KCNQ5: variants seen among roughly 807,000 people sequenced by gnomAD.
KCNQ5 encodes the protein potassium voltage-gated channel subfamily KQT member 5.
In KCNQ5, 30 loss-of-function variants were observed where a neutral mutation model predicts 98.2. The ratio of observed to expected loss-of-function variants is 0.31; its 90% confidence interval spans 0.23 to 0.41. The LOEUF is 0.41. KCNQ5 is among the 10% of genes least tolerant of loss of function. The pLI is 1.00. For missense variants in KCNQ5, 835 were observed against 1,182.5 expected (o/e 0.71, Z 4.31); for synonymous variants, 458 against 449.4 (o/e 1.02, Z -0.24).
intron 1 of KCNQ5, among the ~76,000 whole-genome samples, chr6:72,840,084 C>T (rs1776724808): frequency 6.6e-6 from 1 of 152,160 alleles, no homozygotes; most frequent in East Asian, 1.9e-4. Context: ...ATCCAAATAA[C>T]AGAATTATCT....
At chr6:73,187,120 C>T (rs1013547052) in intron 11 of KCNQ5, among the ~76,000 whole-genome samples, 3 of 149,102 alleles carry the variant, frequency 2.0e-5, no homozygotes, top group African/African-American at 5.0e-5. Context: ...AGTGCAGTGG[C>T]GTGACCTTGG....
intron 1 of KCNQ5, among the ~76,000 whole-genome samples, chr6:72,682,155 G>A (rs1031432876): frequency 2.0e-5 from 3 of 152,102 alleles, no homozygotes; most frequent in Non-Finnish European, 4.4e-5. Flanking sequence ...ACAGGGATTG[G>A]ACAATTCCTC....
intron 1 of KCNQ5, among the ~76,000 whole-genome samples, chr6:72,904,801 T>G (rs1779637462): frequency 6.6e-6 from 1 of 152,202 alleles, no homozygotes; most frequent in African/African-American, 2.4e-5. Context: ...TTAAGATACT[T>G]TCCTTCATTT....
intron 2 of KCNQ5, among the ~76,000 whole-genome samples, chr6:73,032,086 A>G (rs1346538023): frequency 1.3e-5 from 2 of 152,166 alleles, no homozygotes; most frequent in African/African-American, 4.8e-5. Context: ...GACAAATATC[A>G]CCAATATGAG....
rs1773581577 is a variant in KCNQ5, at chr6:73,077,371, G to C, written c.666G>C (p.Gln222His). The stretch of plus-strand genomic sequence containing the variant: ...TAGCAGTTGTTTCTGCAAAAACTCA[G>C]GGTAATATTTTTGCCACGTCTGCAC... ...ASIAVVSAKT[Q>H]GNIFATSALR... Residue 222 changes from glutamine (Q) to histidine (H), a missense_variant, in exon 4 of 14, where the codon CAG (glutamine) becomes CAC (histidine). Physicochemically the swap from Gln to His is conservative, Grantham distance 24 (BLOSUM62 0). Around this residue, in one of 10 missense-constraint regions of KCNQ5, gnomAD observed 48 missense variants for 112.1 expected, o/e 0.43. Transcript: ENST00000370398. The C allele has an allele frequency of 6.2e-7, 1 of 1,613,988 alleles. No individual in the cohort carries two copies. The highest frequency in any genetic ancestry group is 1.3e-5 in the African/African-American group (1 of 74,906).
At chr6:73,182,230 C>A (rs1778426144) in intron 11 of KCNQ5, among the ~76,000 whole-genome samples, 1 of 152,148 alleles carries the variant, frequency 6.6e-6, no homozygotes, top group African/African-American at 2.4e-5. Flanking sequence ...AATGTAGTTA[C>A]ACTCATTCAT....
chr6:73,103,714 G>C (rs1162353155), intron 5 of KCNQ5, among the ~76,000 whole-genome samples: 1 of 151,362 alleles, frequency 6.6e-6, no homozygotes, highest in Non-Finnish European at 1.5e-5. Context: ...GGGTAGTGGA[G>C]AGAGTGAGCA....
chr6:73,011,391 C>G (rs1224597427), intron 2 of KCNQ5, among the ~76,000 whole-genome samples: 1 of 152,088 alleles, frequency 6.6e-6, no homozygotes, highest in African/African-American at 2.4e-5. Context: ...AAAGGGCAGT[C>G]TTTTCAACAA....
intron 1 of KCNQ5, among the ~76,000 whole-genome samples, chr6:72,888,332 A>G (rs1414728369): frequency 1.3e-5 from 2 of 152,202 alleles, no homozygotes; most frequent in Non-Finnish European, 1.5e-5. Flanking sequence ...TTACAAAAGC[A>G]GAGAACATAG....
intron 1 of KCNQ5, among the ~76,000 whole-genome samples, chr6:72,645,735 G>T (rs12193274): frequency 0.19 from 29,002 of 152,026 alleles, 3,001 homozygotes; most frequent in Middle Eastern, 0.27. Flanking sequence ...AGAGCATTCA[G>T]TTGTGGTTTG....
chr6:73,162,907 G>T (rs1457978242), intron 10 of KCNQ5, among the ~76,000 whole-genome samples: 1 of 152,122 alleles, frequency 6.6e-6, no homozygotes, highest in Non-Finnish European at 1.5e-5. Context: ...GTGTCTAAAT[G>T]ATCCTCATCT....
At chr6:72,828,567 T>C (rs1465666255) in intron 1 of KCNQ5, among the ~76,000 whole-genome samples, 1 of 152,182 alleles carries the variant, frequency 6.6e-6, no homozygotes, top group Non-Finnish European at 1.5e-5. Context: ...TGTATATTAA[T>C]TCTGTATCCT....
chr6:72,786,047 A>G (rs747850713), intron 1 of KCNQ5, among the ~76,000 whole-genome samples: 1 of 152,224 alleles, frequency 6.6e-6, no homozygotes, highest in Non-Finnish European at 1.5e-5. Context: ...AATTTTAATA[A>G]TAGATTTGAT....
At chr6:72,672,480 A>G (rs1376958391) in intron 1 of KCNQ5, among the ~76,000 whole-genome samples, 1 of 152,186 alleles carries the variant, frequency 6.6e-6, no homozygotes, top group African/African-American at 2.4e-5. Flanking sequence ...ACTAAGATCC[A>G]CTAAGATTAT....
At chr6:72,668,085 T>G (rs1766917927) in intron 1 of KCNQ5, among the ~76,000 whole-genome samples, 1 of 152,166 alleles carries the variant, frequency 6.6e-6, no homozygotes, top group African/African-American at 2.4e-5. Flanking sequence ...ATTCCTTGGT[T>G]TTGATAAATG....
chr6:72,667,049 TAAATG>T (rs1340593911), intron 1 of KCNQ5, among the ~76,000 whole-genome samples: 1 of 152,154 alleles, frequency 6.6e-6, no homozygotes, highest in Non-Finnish European at 1.5e-5. Flanking sequence ...CATTAGGAAA[TAAATG>T]AAATATTTTT....
At chr6:73,111,884 CAGTT>C (rs1157343341) in intron 7 of KCNQ5, among the ~76,000 whole-genome samples, 1 of 152,146 alleles carries the variant, frequency 6.6e-6, no homozygotes, top group East Asian at 1.9e-4. Flanking sequence ...CCATCTAGGG[CAGTT>C]AGCGGAAATA....
intron 10 of KCNQ5, among the ~76,000 whole-genome samples, chr6:73,137,262 T>C (rs990407092): frequency 1.3e-5 from 2 of 152,200 alleles, no homozygotes; most frequent in Non-Finnish European, 2.9e-5. Context: ...TTTAATAAGA[T>C]TAATATGTTA....
chr6:73,171,445 C>G (rs1179311397), intron 11 of KCNQ5, among the ~76,000 whole-genome samples: 1 of 152,080 alleles, frequency 6.6e-6, no homozygotes, highest in Non-Finnish European at 1.5e-5. Context: ...CCCAGATAAC[C>G]CAGAATATGT....
Sources: gnomAD v4.1 joint callset for allele counts (sites outside exome capture counted in the v4.1 genomes callset) on GRCh38, gnomAD v4.1.1 for gene constraint, gnomAD v4.1.1 regional missense constraint, MANE v1.5 for transcripts, NCBI Gene and HGNC (gene_info 2026-07-23, HGNC 2026-07-21) for gene names.